Variants in CHST9 observed in about 807,000 individuals in gnomAD.
CHST9 encodes GalNAc-4-sulfotransferase 2.
Under a neutral mutation model 44.4 loss-of-function variants are expected in CHST9, and 41 were observed. That is an observed-to-expected ratio of 0.92 (90% confidence interval 0.72 to 1.20). CHST9 has a LOEUF of 1.20. Ranked by LOEUF, CHST9 falls within the 50% of genes most tolerant of loss-of-function variation. The probability of loss-of-function intolerance (pLI) is 0.00; values close to 1 mark genes in which losing one functional copy is unlikely to be tolerated. For synonymous variants in CHST9, 171 were observed against 178.4 expected (o/e 0.96, Z 0.33); for missense variants, 504 against 516.5 (o/e 0.98, Z 0.23).
At chr18:26,969,374 C>CTGTGTGTGTGTG (rs752526316) in intron 4 of CHST9, among the ~76,000 whole-genome samples, 38 of 149,240 alleles carry the variant, frequency 2.5e-4, no homozygotes, top group African/African-American at 9.3e-4. Flanking sequence ...CTCTCTCTCT[C>CTGTGTGTGTGTG]TCTGTGTGTG....
chr18:26,915,287 T>A lies in CHST9; in HGVS notation c.*972A>T. The stretch of plus-strand genomic sequence containing the variant: ...TCATTCCTAAGCTGAATAATTAAAC[T>A]GAAAACAAAAGCTATTCTTAGGGTG... On this transcript the variant is annotated 3_prime_UTR_variant, in exon 6 of 6. Coordinates refer to ENST00000618847, the MANE Select transcript of CHST9 (RefSeq NM_031422.6). 1 of 273,524 alleles carries A rather than the reference T, an allele frequency of 3.7e-6. No individual in the cohort carries two copies. Among genetic ancestry groups the A allele is most frequent in the Non-Finnish European group, 6.7e-6 (1 of 148,420 alleles). 16.9% of individuals were successfully genotyped at this position (273,524 alleles called of 1,614,324 possible).
At position 27,161,946 on chromosome 18, in the gene CHST9, T is replaced by G. The variant is rs535722407; in HGVS notation, c.-96-19041A>C. Among the ~76,000 whole-genome samples, 336 of 151,884 alleles carry G rather than the reference T, an allele frequency of 2.2e-3. 1 individual carries two copies. Among genetic ancestry groups the G allele is most frequent in the African/African-American group, 7.4e-3 (306 of 41,376 alleles). ...GGATTGCAACCCCTGCCTTTTTTTGTTTTCCATTTGCTTGGTAGATCTTCC... is the reference window on the plus strand; with the variant it reads ...GGATTGCAACCCCTGCCTTTTTTTGGTTTCCATTTGCTTGGTAGATCTTCC... On this transcript the variant is annotated intron_variant, in intron 1 of 5. Transcript: ENST00000618847.
At chr18:26,940,084 C>G (rs1369804707) in intron 5 of CHST9, among the ~76,000 whole-genome samples, 2 of 152,164 alleles carry the variant, frequency 1.3e-5, no homozygotes, top group Non-Finnish European at 2.9e-5. Flanking sequence ...GCCCACACAG[C>G]CTGACCTCTC....
At chr18:27,164,614 C>G (rs960315226) in intron 1 of CHST9, among the ~76,000 whole-genome samples, 1 of 152,118 alleles carries the variant, frequency 6.6e-6, no homozygotes, top group African/African-American at 2.4e-5. Flanking sequence ...AAAGAGATCA[C>G]TCTGAGTACT....
intron 1 of CHST9, among the ~76,000 whole-genome samples, chr18:27,153,760 T>C (rs1234224296): frequency 6.6e-6 from 1 of 152,150 alleles, no homozygotes; most frequent in South Asian, 2.1e-4. Flanking sequence ...ACATATCTTT[T>C]TGGGGTCACC....
At chr18:26,958,649 C>A (rs2056359945) in intron 4 of CHST9, among the ~76,000 whole-genome samples, 1 of 152,100 alleles carries the variant, frequency 6.6e-6, no homozygotes, top group Admixed American at 6.6e-5. Flanking sequence ...AACAAACAAC[C>A]TCATTAAAAA....
chr18:27,154,004 G>A (rs1457896539), intron 1 of CHST9, among the ~76,000 whole-genome samples: 1 of 152,180 alleles, frequency 6.6e-6, no homozygotes, highest in Non-Finnish European at 1.5e-5. Flanking sequence ...GCTAAGCTGA[G>A]AAACCTGTAG....
chr18:26,959,047 G>T (rs1396811798), intron 4 of CHST9, among the ~76,000 whole-genome samples: 1 of 152,158 alleles, frequency 6.6e-6, no homozygotes, highest in Non-Finnish European at 1.5e-5. Flanking sequence ...ATTCACAATA[G>T]CAAGACATGA....
intron 1 of CHST9, among the ~76,000 whole-genome samples, chr18:27,180,822 T>C (rs2058906078): frequency 6.6e-6 from 1 of 152,202 alleles, no homozygotes; most frequent in African/African-American, 2.4e-5. Context: ...ACTTAGGCAT[T>C]GATAAGAAGA....
At chr18:27,101,566 C>G (rs1051696748) in intron 2 of CHST9, among the ~76,000 whole-genome samples, 22 of 151,756 alleles carry the variant, frequency 1.4e-4, no homozygotes, top group African/African-American at 4.1e-4. Flanking sequence ...GCCGAGATTG[C>G]GCCACTGCAG....
chr18:26,969,024 A>C (rs1016731333), intron 4 of CHST9, among the ~76,000 whole-genome samples: 3 of 137,348 alleles, frequency 2.2e-5, no homozygotes, highest in Admixed American at 7.6e-5. Flanking sequence ...TTTGAGATGG[A>C]GTCTCGCTCT....
intron 4 of CHST9, among the ~76,000 whole-genome samples, chr18:27,019,682 T>C (rs1466863417): frequency 2.1e-5 from 2 of 97,358 alleles, no homozygotes; most frequent in African/African-American, 8.1e-5. Flanking sequence ...ACTGTTTCAC[T>C]ACATGGCAAA....
At chr18:27,131,857 C>T (rs2058474648) in intron 2 of CHST9, among the ~76,000 whole-genome samples, 1 of 152,230 alleles carries the variant, frequency 6.6e-6, no homozygotes, top group Non-Finnish European at 1.5e-5. Context: ...CCAAATTTTA[C>T]ACAGAGTCTT....
chr18:27,019,754 C>T (rs572691036), intron 4 of CHST9, among the ~76,000 whole-genome samples: 81 of 150,262 alleles, frequency 5.4e-4, no homozygotes, highest in African/African-American at 1.9e-3. Flanking sequence ...ACACCTTTCC[C>T]TAATGTTGGC....
rs118073601 is a variant in CHST9 at position 26,932,298 on chromosome 18, T to C, written c.240+12031A>G. Among the ~76,000 whole-genome samples the C allele has an allele frequency of 2.6e-4, 39 of 152,338 alleles. No homozygotes were observed. In the East Asian group the frequency reaches 7.3e-3, roughly 29 times the overall value. ...CCACACAGAGATTGTGATCATCTGC[T>C]CAGCTTTTATGTCAGCCTTGCAACA... On this transcript the variant is annotated intron_variant, in intron 5 of 5. Coordinates refer to ENST00000618847, the MANE Select transcript of CHST9 (RefSeq NM_031422.6).
rs372975117 is a variant in CHST9, at chr18:27,115,380, A to C, written c.121+27309T>G. On this transcript the variant is annotated intron_variant, in intron 2 of 5. Coordinates refer to ENST00000618847, the MANE Select transcript of CHST9 (RefSeq NM_031422.6). ...CAACTCTCTTGGGAATAGACCTAAG[A>C]ATGGAATAGCTGGTTCATATAATAA... 4.1e-4 allele frequency among the ~76,000 whole-genome samples: 63 copies of C among 152,346 alleles called. No homozygotes were observed. The South Asian group carries it at 0.012, about 30-fold the overall frequency.
Position 27,167,998 on chromosome 18 carries a change from C to G in CHST9, c.-97+17138G>C, listed in dbSNP as rs568258797. Reference sequence around the variant, plus strand: ...TTAGAAAGATAGGCAAAAAGCCTATCAAGGCCTTGAAGGCAATTCTAAAGG... The same window carrying G: ...TTAGAAAGATAGGCAAAAAGCCTATGAAGGCCTTGAAGGCAATTCTAAAGG... On this transcript the variant is annotated intron_variant, in intron 1 of 5. Coordinates refer to ENST00000618847, the MANE Select transcript of CHST9 (RefSeq NM_031422.6). 1.0e-3 allele frequency among the ~76,000 whole-genome samples: 152 copies of G among 151,700 alleles called. No individual in the cohort carries two copies. The Middle Eastern group carries it at 0.01, about 10-fold the overall frequency.
chr18:26,915,216 C>A lies in CHST9; in HGVS notation c.*1043G>T, dbSNP rs186794. 8.0e-6 allele frequency: 3 copies of A among 373,780 alleles called. No homozygotes were observed. The allele number at this position is 373,780 out of a possible 1,614,324, so 23.2% of individuals were successfully genotyped here. The stretch of plus-strand genomic sequence containing the variant: ...TAGGGGCTCTTTTTATGTTTATTCT[C>A]TAGAACATAACCTATCTTTGAAGTG... On this transcript the variant is annotated 3_prime_UTR_variant, in exon 6 of 6. Coordinates refer to ENST00000618847, the MANE Select transcript of CHST9 (RefSeq NM_031422.6).
At chr18:26,982,826 C>A (rs532427057) in intron 4 of CHST9, among the ~76,000 whole-genome samples, 1 of 152,210 alleles carries the variant, frequency 6.6e-6, no homozygotes, top group South Asian at 2.1e-4. Flanking sequence ...GATAGTTCTT[C>A]AACGATAAAA....
Sources: allele counts gnomAD v4.1 joint callset (sites outside exome capture counted in the v4.1 genomes callset), GRCh38; gene constraint gnomAD v4.1.1; transcripts MANE v1.5; gene names NCBI Gene and HGNC (gene_info 2026-07-23, HGNC 2026-07-21).